UNC119B: variants seen among roughly 807,000 people sequenced by gnomAD.
UNC119B encodes unc-119 lipid binding chaperone B.
Under a neutral mutation model 23.4 loss-of-function variants are expected in UNC119B, and 16 were observed. The observed-to-expected ratio is 0.68, with a 90% CI of 0.46 to 1.04. The LOEUF (loss-of-function observed/expected upper bound fraction) is 1.04, where lower values mean the gene tolerates loss of function less well. UNC119B is among the 50% of genes least tolerant of loss of function. The pLI, the probability that UNC119B is intolerant of heterozygous loss-of-function variation, is 0.00. For missense variants in UNC119B, 350 were observed against 361.3 expected, an observed-to-expected ratio of 0.97 and a Z score of 0.25; for synonymous variants, 144 against 145.4, an observed-to-expected ratio of 0.99 and a Z score of 0.07.
chr12:120,720,212 C>CAGTATTTTTTCTTCCCT lies in UNC119B; in HGVS notation c.*181_*197dup, dbSNP rs143118055. 3.1e-5 allele frequency: 18 copies of CAGTATTTTTTCTTCCCT among 576,592 alleles called. No individual in the cohort carries two copies. The highest frequency in any genetic ancestry group is 5.2e-5 in the Non-Finnish European group (17 of 327,488). 35.7% of individuals were successfully genotyped at this position (576,592 alleles called of 1,614,324 possible). A position where few individuals can be genotyped will look rare whatever the true frequency, so the allele number is the denominator to read the frequency against. On this transcript the variant is annotated 3_prime_UTR_variant, in exon 5 of 5. Transcript: ENST00000344651. ...CCAAACAGTGCTGTGTTTTCTTCCC[C>CAGTATTTTTTCTTCCCT]AGTATTTTTTCTTCCCTTTTTTTCC...
rs1031205068 is a variant in UNC119B, at chr12:120,710,706, C to T, written c.232C>T (p.Arg78Trp). The change falls in exon 1 of 5, where the codon CGG becomes TGG. Residue 78 changes from arginine (R) to tryptophan (W), a missense_variant. Transcript: ENST00000344651. ...IRPEHVLRLSRVTENYLCKPE... is the reference protein window; with the variant it reads ...IRPEHVLRLSWVTENYLCKPE... ...GCCCGAGCACGTCCTGCGCCTCAGC[C>T]GGGTCACCGAGAGTGAGTGCCGCGC... The T allele has an allele frequency of 7.0e-7, 1 of 1,427,082 alleles. No homozygotes were observed. Among genetic ancestry groups the T allele is most frequent in the South Asian group, 1.4e-5 (1 of 71,996 alleles). 88.4% of individuals were successfully genotyped at this position (1,427,082 alleles called of 1,614,324 possible). A position where few individuals can be genotyped will look rare whatever the true frequency, so the allele number is the denominator to read the frequency against.
intron 2 of UNC119B, among the ~76,000 whole-genome samples, chr12:120,715,808 C>T (rs950003918): frequency 6.6e-6 from 1 of 152,158 alleles, no homozygotes; most frequent in South Asian, 2.1e-4. Flanking sequence ...GCTGGGATTA[C>T]AGGCATGAGC....
At position 120,720,680 on chromosome 12, in the gene UNC119B, C is replaced by T. The variant is rs1882876582; in HGVS notation, c.*648C>T. 6.6e-6 allele frequency: 1 copy of T among 152,290 alleles called. No homozygotes were observed. The highest frequency in any genetic ancestry group is 2.4e-5 in the African/African-American group (1 of 41,448). 9.4% of individuals were successfully genotyped at this position (152,290 alleles called of 1,614,324 possible). The stretch of plus-strand genomic sequence containing the variant: ...ACTTCCAGGGTCTCAGCCAGCCCTC[C>T]TGGGAATAGACCAAGTTTTCAGCCT... On this transcript the variant is annotated 3_prime_UTR_variant, in exon 5 of 5. Transcript: ENST00000344651.
chr12:120,716,438 A>AG (rs1274367129), intron 2 of UNC119B, among the ~76,000 whole-genome samples, 190 bp from the exon 3 acceptor site: 1 of 152,202 alleles, frequency 6.6e-6, no homozygotes, highest in Non-Finnish European at 1.5e-5. Context: ...AACACCTCGA[A>AG]GGGTTGTTGT....
intron 1 of UNC119B, chr12:120,711,052 G>C (rs1189331311): frequency 5.0e-6 from 1 of 200,828 alleles, no homozygotes; most frequent in Non-Finnish European, 1.0e-5. Context: ...CGGGGGCCGA[G>C]GTCCCCTAAT....
chr12:120,714,491 C>T (rs548093), intron 2 of UNC119B, among the ~76,000 whole-genome samples: 67,951 of 151,860 alleles, frequency 0.45, 15,728 homozygotes, highest in South Asian at 0.55. Context: ...TAGCTAATTT[C>T]TGTATTTTTA....
At chr12:120,715,669 G>C (rs2136930831) in intron 2 of UNC119B, among the ~76,000 whole-genome samples, 1 of 151,960 alleles carries the variant, frequency 6.6e-6, no homozygotes, top group Middle Eastern at 3.4e-3. Flanking sequence ...GAGTAGCTGG[G>C]ATTACAGGCA....
At chr12:120,719,732 G>A (rs56179458) in intron 4 of UNC119B, among the ~76,000 whole-genome samples, 188 bp from the exon 5 acceptor site, 56,784 of 151,572 alleles carry the variant, frequency 0.37, 10,995 homozygotes, top group Middle Eastern at 0.48. Flanking sequence ...CAGCTGGGGG[G>A]CCTCTGTGGT....
Position 120,720,653 on chromosome 12 carries a change from T to G in UNC119B, c.*621T>G, listed in dbSNP as rs1291040206. The G allele has an allele frequency of 6.6e-6, 1 of 152,420 alleles. No homozygotes were observed. The highest frequency in any genetic ancestry group is 1.5e-5 in the Non-Finnish European group (1 of 68,088). The allele number at this position is 152,420 out of a possible 1,614,324, so 9.4% of individuals were successfully genotyped here. A position where few individuals can be genotyped will look rare whatever the true frequency, so the allele number is the denominator to read the frequency against. ...TTTGTGGAGAGGCTGCTGCTCTGTC[T>G]GACTTCCAGGGTCTCAGCCAGCCCT... On this transcript the variant is annotated 3_prime_UTR_variant, in exon 5 of 5. Transcript: ENST00000344651.
chr12:120,716,719 C>T lies in UNC119B; in HGVS notation c.450C>T (p.Arg150=). 1 of 1,614,194 alleles carries T rather than the reference C, an allele frequency of 6.2e-7. No homozygotes were observed. Among genetic ancestry groups the T allele is most frequent in the East Asian group, 2.2e-5 (1 of 44,888 alleles). ...ATCAGTTCACACCGGCATTTCTCCG[C>T]CTCCGGACAGTCGGGGCTACGTGAG... ...VRYQFTPAFL[R]LRTVGATVEF... is the part of the protein sequence containing the mutation. Residue 150 remains arginine, a synonymous_variant, in exon 3 of 5, where the codon CGC becomes CGT. Coordinates refer to ENST00000344651, the MANE Select transcript of UNC119B (RefSeq NM_001080533.3).
At position 120,721,976 on chromosome 12, in the gene UNC119B, C is replaced by T. The variant is rs1882918531; in HGVS notation, c.*1944C>T. ...TTCCTGTCAAGCGTAACAACAATCC[C>T]TTCTCTCTTTGACAGAGGCCCAGGT... On this transcript the variant is annotated 3_prime_UTR_variant, in exon 5 of 5. Coordinates refer to ENST00000344651, the MANE Select transcript of UNC119B (RefSeq NM_001080533.3). The T allele has an allele frequency of 6.6e-6, 1 of 152,650 alleles. No individual in the cohort carries two copies. Among genetic ancestry groups the T allele is most frequent in the African/African-American group, 2.4e-5 (1 of 41,444 alleles). 9.5% of individuals were successfully genotyped at this position (152,650 alleles called of 1,614,324 possible).
At chr12:120,710,801 C>T (rs1397721217) in intron 1 of UNC119B, 83 bp downstream of exon 1, 42 of 1,229,654 alleles carry the variant, frequency 3.4e-5, no homozygotes, top group Non-Finnish European at 4.1e-5. Context: ...ACTTGACCAG[C>T]GCGGGGGTCC....
chr12:120,710,482 G>A lies in UNC119B; in HGVS notation c.8G>A (p.Gly3Glu). 3 of 1,345,080 alleles carry A rather than the reference G, an allele frequency of 2.2e-6. No homozygotes were observed. The East Asian group carries it at 9.1e-5, about 41-fold the overall frequency. 83.3% of individuals were successfully genotyped at this position (1,345,080 alleles called of 1,614,324 possible). The change falls in exon 1 of 5, where the codon GGG (glycine) becomes GAG (glutamate). Residue 3 changes from glycine (G) to glutamate (E), a missense_variant. Transcript: ENST00000344651. Reference protein sequence around the residue: MSGSNPKAAAAAS... With the variant: MSESNPKAAAAAS... Reference sequence around the variant, plus strand: ...CATCTTGGCGGCGGAGCGATGAGCGGGTCTAACCCGAAGGCTGCGGCCGCG... The same window carrying A: ...CATCTTGGCGGCGGAGCGATGAGCGAGTCTAACCCGAAGGCTGCGGCCGCG...
intron 4 of UNC119B, among the ~76,000 whole-genome samples, chr12:120,718,193 C>G (rs545222507): frequency 6.6e-6 from 1 of 152,014 alleles, no homozygotes; most frequent in Non-Finnish European, 1.5e-5. Context: ...ATAATACAGG[C>G]CATCCTTTTA....
chr12:120,715,881 T>A (rs961569157), intron 2 of UNC119B, among the ~76,000 whole-genome samples: 1 of 152,198 alleles, frequency 6.6e-6, no homozygotes, highest in African/African-American at 2.4e-5. Flanking sequence ...AGGAATGGAC[T>A]AGACCGGAGA....
In UNC119B at chr12:120,717,037, A is replaced by T. The variant is rs369724537; in HGVS notation, c.638A>T (p.Asp213Val). The change falls in exon 4 of 5, where the codon GAT becomes GTT. Residue 213 changes from aspartate to valine, a missense_variant. Asp to Val is a radical substitution (Grantham distance 152). Coordinates refer to ENST00000344651, the MANE Select transcript of UNC119B (RefSeq NM_001080533.3). Reference protein sequence around the residue: ...HIYEFPQLSEDVIRLMIENPY... With the variant: ...HIYEFPQLSEVVIRLMIENPY... ...TATGAGTTTCCCCAGCTTTCGGAGG[A>T]TGTCAGTATGTATCCCCTGACCCTT... 2.2e-5 allele frequency: 35 copies of T among 1,588,006 alleles called. No individual in the cohort carries two copies. The highest frequency in any genetic ancestry group is 3.0e-5 in the Non-Finnish European group (35 of 1,166,184).
chr12:120,712,401 A>G (rs1017657876), intron 1 of UNC119B, among the ~76,000 whole-genome samples: 2 of 152,256 alleles, frequency 1.3e-5, no homozygotes, highest in African/African-American at 4.8e-5. Flanking sequence ...TCAAGTATCA[A>G]AATGAGCTGT....
chr12:120,713,511 TC>T (rs770463389), intron 2 of UNC119B, 124 bp downstream of exon 2: 178 of 702,252 alleles, frequency 2.5e-4, no homozygotes, highest in Non-Finnish European at 4.0e-4. Context: ...TGTGACCTCT[TC>T]CCGTGGCCTG....
At chr12:120,715,975 G>A (rs1592927596) in intron 2 of UNC119B, among the ~76,000 whole-genome samples, 5 of 151,022 alleles carry the variant, frequency 3.3e-5, no homozygotes, top group Admixed American at 1.4e-4. Context: ...TGGCCTAGAA[G>A]TAAACATCAG....
Sources: allele counts gnomAD v4.1 joint callset (sites outside exome capture counted in the v4.1 genomes callset), GRCh38; gene constraint gnomAD v4.1.1; transcripts MANE v1.5; gene names NCBI Gene and HGNC (gene_info 2026-07-23, HGNC 2026-07-21).